The following DNAH9 variants were observed in gnomAD, a reference collection of about 807,000 sequenced individuals.
DNAH9 encodes DNAH9 variant protein.
Under a neutral mutation model 471.6 loss-of-function variants are expected in DNAH9, and 345 were observed. That is an observed-to-expected ratio of 0.73 (90% confidence interval 0.67 to 0.80). The LOEUF is 0.80. Ranked by LOEUF, DNAH9 falls within the 30% of genes least tolerant of loss-of-function variation. DNAH9 has a pLI of 0.00. For synonymous variants in DNAH9, 2,093 were observed against 2,123.6 expected (o/e 0.99, Z 0.40); for missense variants, 5,407 against 5,609.2 (o/e 0.96, Z 1.15).
chr17:11,644,974 C>T (rs1419708077), intron 11 of DNAH9, among the ~76,000 whole-genome samples: 3 of 152,150 alleles, frequency 2.0e-5, no homozygotes, highest in African/African-American at 7.2e-5. Context: ...CATGGAACTC[C>T]GAGACGGATG....
chr17:11,638,260 G>A (rs977082112), intron 9 of DNAH9, among the ~76,000 whole-genome samples: 2 of 152,160 alleles, frequency 1.3e-5, no homozygotes, highest in African/African-American at 2.4e-5. Context: ...AGCTTTATGT[G>A]GGATTATCCC....
At chr17:11,733,587 C>T (rs900401230) in intron 28 of DNAH9, among the ~76,000 whole-genome samples, 9 of 152,198 alleles carry the variant, frequency 5.9e-5, no homozygotes, top group Admixed American at 2.6e-4. Context: ...TGCGGTGGCT[C>T]ACGCCTGTAA....
chr17:11,611,893 C>A, intron 4 of DNAH9, 113 bp downstream of exon 4: 1 of 1,038,478 alleles, frequency 9.6e-7, no homozygotes, highest in South Asian at 1.3e-5. Flanking sequence ...AAATTTCCGA[C>A]CCGACACAAA....
chr17:11,787,466 G>C (rs1436926109), intron 41 of DNAH9, among the ~76,000 whole-genome samples: 1 of 152,184 alleles, frequency 6.6e-6, no homozygotes, highest in African/African-American at 2.4e-5. Context: ...CTTCCTCCTT[G>C]AGTCTGACCA....
intron 9 of DNAH9, among the ~76,000 whole-genome samples, chr17:11,638,122 T>C (rs534063671): frequency 6.6e-6 from 1 of 152,056 alleles, no homozygotes; most frequent in South Asian, 2.1e-4. Context: ...TGATCAAGGG[T>C]AGGGGAAATT....
At chr17:11,704,971 A>G in intron 25 of DNAH9, 54 bp from the exon 26 acceptor site, 1 of 1,509,304 alleles carries the variant, frequency 6.6e-7, no homozygotes, top group South Asian at 1.2e-5. Context: ...CTTGTGGCCA[A>G]GGGACTACCT....
At chr17:11,604,239 G>A (rs893513510) in intron 1 of DNAH9, among the ~76,000 whole-genome samples, 1 of 151,996 alleles carries the variant, frequency 6.6e-6, no homozygotes, top group African/African-American at 2.4e-5. Context: ...GGCCAGGCTG[G>A]TCTCAAACTC....
At chr17:11,871,900 C>G (rs545922936) in intron 52 of DNAH9, 114 bp downstream of exon 52, 185 of 1,122,150 alleles carry the variant, frequency 1.6e-4, no homozygotes, top group South Asian at 2.2e-4. Context: ...TCCCCACCAC[C>G]CCCTGAGCAC....
intron 49 of DNAH9, among the ~76,000 whole-genome samples, chr17:11,839,521 A>G (rs1479335009): frequency 6.6e-6 from 1 of 151,964 alleles, no homozygotes; most frequent in Non-Finnish European, 1.5e-5. Context: ...GTCTCAAAAA[A>G]AAAAAAAAGA....
intron 15 of DNAH9, 110 bp from the exon 16 acceptor site, chr17:11,668,954 T>TATCTATCTAA: frequency 1.3e-6 from 1 of 763,892 alleles, no homozygotes; most frequent in East Asian, 2.5e-5. Context: ...CCCTACAGTC[T>TATCTATCTAA]AGCAGCCTAT....
At chr17:11,665,844 TC>T (rs927044063) in intron 15 of DNAH9, among the ~76,000 whole-genome samples, 6 of 152,102 alleles carry the variant, frequency 3.9e-5, no homozygotes, top group African/African-American at 7.2e-5. Context: ...AAATAAATAG[TC>T]CAAGGCCAGT....
intron 43 of DNAH9, among the ~76,000 whole-genome samples, chr17:11,805,605 T>A (rs547338269): frequency 3.0e-4 from 40 of 132,852 alleles, no homozygotes; most frequent in Admixed American, 3.0e-3. Flanking sequence ...TGGAGTGCAG[T>A]GGAGCGATCT....
chr17:11,849,681 C>T (rs532584740), intron 49 of DNAH9, among the ~76,000 whole-genome samples: 2 of 152,162 alleles, frequency 1.3e-5, no homozygotes, highest in Non-Finnish European at 2.9e-5. Flanking sequence ...GAGGAAGAGA[C>T]CTTCCTAACT....
chr17:11,903,638 C>T (rs961462411), intron 60 of DNAH9, among the ~76,000 whole-genome samples: 1 of 151,828 alleles, frequency 6.6e-6, no homozygotes, highest in African/African-American at 2.4e-5. Flanking sequence ...GGCCCGGGCG[C>T]GGTGGCTCAC....
At chr17:11,724,840 A>C (rs577887584) in intron 27 of DNAH9, among the ~76,000 whole-genome samples, 11 of 152,184 alleles carry the variant, frequency 7.2e-5, no homozygotes, top group Non-Finnish European at 1.2e-4. Flanking sequence ...TTCGATTATT[A>C]TTACATTGTA....
chr17:11,964,791 G>A lies in DNAH9; in HGVS notation c.13233+2535G>A, dbSNP rs143539156. ...ACAGACCACAATCACAGTGAAACCAGTAGCCTGGAAACCACTGGAAGGGGC... is the reference window on the plus strand; with the variant it reads ...ACAGACCACAATCACAGTGAAACCAATAGCCTGGAAACCACTGGAAGGGGC... On this transcript the variant is annotated intron_variant, in intron 68 of 68. Coordinates refer to ENST00000262442, the MANE Select transcript of DNAH9 (RefSeq NM_001372.4). Among the ~76,000 whole-genome samples, 18 of 152,238 alleles carry A rather than the reference G, an allele frequency of 1.2e-4. 1 individual carries two copies. The East Asian group carries it at 3.5e-3, about 29-fold the overall frequency.
chr17:11,669,012 T>A (rs2073930345), intron 15 of DNAH9, 52 bp from the exon 16 acceptor site: 1 of 1,304,690 alleles, frequency 7.7e-7, no homozygotes, highest in African/African-American at 1.5e-5. Context: ...TCCTCTACTT[T>A]GTCCATTTTA....
chr17:11,853,604 A>G (rs1206706643), intron 49 of DNAH9, among the ~76,000 whole-genome samples: 1 of 152,202 alleles, frequency 6.6e-6, no homozygotes, highest in Non-Finnish European at 1.5e-5. Flanking sequence ...AAAAAAAATT[A>G]CTTGGGTTAC....
chr17:11,723,709 C>A (rs1378790839), intron 27 of DNAH9, among the ~76,000 whole-genome samples: 13 of 151,994 alleles, frequency 8.6e-5, no homozygotes, highest in Non-Finnish European at 1.2e-4. Context: ...GCTCTGTCCC[C>A]TAGGCTGGAG....
Sources: allele counts gnomAD v4.1 joint callset (sites outside exome capture counted in the v4.1 genomes callset), GRCh38; gene constraint gnomAD v4.1.1; transcripts MANE v1.5; gene names NCBI Gene and HGNC (gene_info 2026-07-23, HGNC 2026-07-21).